KIF6: variants seen among roughly 807,000 people sequenced by gnomAD.
The protein encoded by KIF6 is kinesin-like protein KIF6.
In KIF6, 106 loss-of-function variants were observed where a neutral mutation model predicts 112.7. The observed-to-expected ratio is 0.94, with a 90% CI of 0.80 to 1.11. KIF6 has a LOEUF of 1.11. Ranked by LOEUF, KIF6 falls within the 50% of genes least tolerant of loss-of-function variation. The probability of loss-of-function intolerance (pLI) is 0.00; values close to 1 mark genes in which losing one functional copy is unlikely to be tolerated. For synonymous variants in KIF6, 339 were observed against 339.9 expected (o/e 1.00, Z 0.03); for missense variants, 929 against 964.0 (o/e 0.96, Z 0.48).
rs112621794 is a variant in KIF6, at chr6:39,378,487, G to A, written c.1861+7135C>T. ...CATGCCGCATATACACAGCACACACGTACATACACAACAGACACACGCATA... is the reference window on the plus strand; with the variant it reads ...CATGCCGCATATACACAGCACACACATACATACACAACAGACACACGCATA... On this transcript the variant is annotated intron_variant, in intron 16 of 22. Transcript: ENST00000287152. The surrounding 1 kb of genome is among the most constrained non-coding windows in gnomAD (Gnocchi z 5.0). Among the ~76,000 whole-genome samples the A allele has an allele frequency of 4.9e-4, 74 of 151,540 alleles. 1 individual carries two copies. The highest frequency in any genetic ancestry group is 1.4e-3 in the African/African-American group (57 of 41,292).
intron 14 of KIF6, among the ~76,000 whole-genome samples, chr6:39,423,168 C>T (rs1016107636): frequency 6.6e-6 from 1 of 152,190 alleles, no homozygotes; most frequent in Non-Finnish European, 1.5e-5. Context: ...ACACAAAATC[C>T]TGTGCAGGGG....
At chr6:39,667,104 A>G (rs994197225) in intron 3 of KIF6, among the ~76,000 whole-genome samples, 14 of 152,322 alleles carry the variant, frequency 9.2e-5, no homozygotes, top group African/African-American at 3.1e-4. Flanking sequence ...CCAAATCTCT[A>G]TTAGTCAGGG....
At chr6:39,500,542 G>A (rs762007044) in intron 13 of KIF6, among the ~76,000 whole-genome samples, 14 of 152,308 alleles carry the variant, frequency 9.2e-5, no homozygotes, top group Non-Finnish European at 1.8e-4. Context: ...GAGGCACCCT[G>A]GGGGTTTTGC....
At chr6:39,454,823 A>C (rs1440358884) in intron 13 of KIF6, among the ~76,000 whole-genome samples, 1 of 151,964 alleles carries the variant, frequency 6.6e-6, no homozygotes, top group Non-Finnish European at 1.5e-5. Context: ...GGCTTAAAAA[A>C]CGGCGCACCA....
At chr6:39,551,715 A>C (rs1779393574) in intron 10 of KIF6, among the ~76,000 whole-genome samples, 1 of 152,184 alleles carries the variant, frequency 6.6e-6, no homozygotes, top group South Asian at 2.1e-4. Flanking sequence ...GATAACTAGG[A>C]AGAATTGAGA....
intron 13 of KIF6, among the ~76,000 whole-genome samples, chr6:39,442,899 G>A (rs1296737290): frequency 6.6e-6 from 1 of 151,958 alleles, no homozygotes; most frequent in Non-Finnish European, 1.5e-5. Flanking sequence ...GGATCATGAG[G>A]TCAGGAGATT....
intron 9 of KIF6, among the ~76,000 whole-genome samples, chr6:39,580,261 G>T (rs1781211927): frequency 6.6e-6 from 1 of 151,828 alleles, no homozygotes; most frequent in South Asian, 2.1e-4. Context: ...ACTGTAAATA[G>T]AATTTTTATA....
chr6:39,457,111 T>C (rs1268438407), intron 13 of KIF6, among the ~76,000 whole-genome samples: 2 of 149,282 alleles, frequency 1.3e-5, no homozygotes, highest in Non-Finnish European at 3.0e-5. Context: ...ATTGACCACA[T>C]AGTTGGAAGT....
chr6:39,540,594 A>C (rs1019038851), intron 12 of KIF6, among the ~76,000 whole-genome samples: 8 of 152,238 alleles, frequency 5.3e-5, no homozygotes, highest in Non-Finnish European at 1.0e-4. Context: ...GCCCATGTAT[A>C]TGTATCAGCC....
intron 3 of KIF6, among the ~76,000 whole-genome samples, chr6:39,681,362 G>A (rs958788656): frequency 2.6e-5 from 4 of 151,818 alleles, no homozygotes; most frequent in Non-Finnish European, 4.4e-5. Context: ...GTTTTGTTTT[G>A]TTTCATTTTC....
intron 3 of KIF6, among the ~76,000 whole-genome samples, chr6:39,661,288 C>A (rs1786129338): frequency 6.6e-6 from 1 of 152,056 alleles, no homozygotes; most frequent in Non-Finnish European, 1.5e-5. Context: ...CACACTAATC[C>A]TTTGATTTGC....
At chr6:39,336,907 T>TTCCCTTC (rs1562101548) in intron 22 of KIF6, among the ~76,000 whole-genome samples, 2 of 139,426 alleles carry the variant, frequency 1.4e-5, no homozygotes, top group Non-Finnish European at 3.0e-5. Context: ...TCCTTCCCTT[T>TTCCCTTC]CTTCCCTTTC....
intron 10 of KIF6, among the ~76,000 whole-genome samples, chr6:39,575,555 C>T (rs947291797): frequency 1.3e-5 from 2 of 152,156 alleles, no homozygotes; most frequent in Non-Finnish European, 2.9e-5. Context: ...CAGGCGTGAG[C>T]CACCACGCCC....
chr6:39,476,221 A>G (rs1435627338), intron 13 of KIF6, among the ~76,000 whole-genome samples: 1 of 151,922 alleles, frequency 6.6e-6, no homozygotes, highest in Non-Finnish European at 1.5e-5. Flanking sequence ...AATTAAAAAA[A>G]AAAAAAGAAA....
At chr6:39,337,044 TCC>T (rs1762961167) in intron 22 of KIF6, among the ~76,000 whole-genome samples, 1 of 115,002 alleles carries the variant, frequency 8.7e-6, no homozygotes. Flanking sequence ...TTTCCTTCCT[TCC>T]TTTTTCTTTC....
intron 13 of KIF6, among the ~76,000 whole-genome samples, chr6:39,487,297 C>T (rs1432581530): frequency 2.0e-5 from 3 of 152,206 alleles, no homozygotes; most frequent in Non-Finnish European, 4.4e-5. Context: ...CTCCCAGCTG[C>T]TGGGACTGCT....
At chr6:39,720,895 T>C (rs1394127039) in intron 1 of KIF6, 84 bp from the exon 2 acceptor site, 7 of 669,622 alleles carry the variant, frequency 1.0e-5, no homozygotes, top group Admixed American at 2.4e-5. Context: ...CTTGTAATGA[T>C]ATGAAAATTA....
chr6:39,436,148 T>C (rs1486592265), intron 13 of KIF6, among the ~76,000 whole-genome samples: 1 of 152,146 alleles, frequency 6.6e-6, no homozygotes, highest in East Asian at 1.9e-4. Context: ...TTGCTGGCCA[T>C]TTTTATATCT....
chr6:39,360,313 C>A, intron 18 of KIF6, 82 bp downstream of exon 18: 1 of 1,515,660 alleles, frequency 6.6e-7, no homozygotes, highest in Non-Finnish European at 9.0e-7. Context: ...TGGGTCAAAG[C>A]CCCCACTGTG....
Sources: allele counts gnomAD v4.1 joint callset (sites outside exome capture counted in the v4.1 genomes callset), GRCh38; gene constraint gnomAD v4.1.1; non-coding constraint Gnocchi (gnomAD v3.1); transcripts MANE v1.5; gene names NCBI Gene and HGNC (gene_info 2026-07-23, HGNC 2026-07-21).